Variants in CCDC85C observed in about 807,000 individuals in gnomAD.
The protein encoded by CCDC85C is coiled-coil domain-containing protein 85C.
A neutral mutation model predicts 38.3 loss-of-function variants in CCDC85C; 18 were observed. The ratio of observed to expected loss-of-function variants is 0.47; its 90% confidence interval spans 0.33 to 0.70. The LOEUF (loss-of-function observed/expected upper bound fraction) is 0.70, where lower values mean the gene tolerates loss of function less well. CCDC85C is among the 30% of genes least tolerant of loss of function. The probability of loss-of-function intolerance (pLI) is 0.03; values close to 1 mark genes in which losing one functional copy is unlikely to be tolerated. For missense variants in CCDC85C, 566 were observed against 621.2 expected, an observed-to-expected ratio of 0.91 and a Z score of 0.94; for synonymous variants, 264 against 293.8, an observed-to-expected ratio of 0.90 and a Z score of 1.04.
At chr14:99,541,588 G>A (rs529893963) in intron 1 of CCDC85C, among the ~76,000 whole-genome samples, 2 of 152,292 alleles carry the variant, frequency 1.3e-5, no homozygotes, top group South Asian at 2.1e-4. Context: ...CCACTCTGCC[G>A]GTGAGCTCTA....
rs985563149 is a variant in CCDC85C at position 99,503,176 on chromosome 14, A to T, written c.*12070T>A. The T allele has an allele frequency of 2.7e-6, 2 of 730,724 alleles. No individual in the cohort carries two copies. Among genetic ancestry groups the T allele is most frequent in the Non-Finnish European group, 4.8e-6 (2 of 412,746 alleles). The allele number at this position is 730,724 out of a possible 1,614,324, so 45.3% of individuals were successfully genotyped here. ...GCTCCAAGGACAGGCTGCCTCTGAG[A>T]ACCAGGAGGGGGCTCTCTGCCCGGC... On this transcript the variant is annotated 3_prime_UTR_variant, in exon 6 of 6. Transcript: ENST00000380243.
At chr14:99,555,694 T>C (rs775110775) in intron 1 of CCDC85C, among the ~76,000 whole-genome samples, 1 of 152,058 alleles carries the variant, frequency 6.6e-6, no homozygotes, top group Non-Finnish European at 1.5e-5. Flanking sequence ...AGTTAGAAAA[T>C]CAGCATCGTC....
chr14:99,502,433 A>C lies in CCDC85C; in HGVS notation c.*12813T>G. 1 of 1,574,398 alleles carries C rather than the reference A, an allele frequency of 6.4e-7. No individual in the cohort carries two copies. Among genetic ancestry groups the C allele is most frequent in the African/African-American group, 1.4e-5 (1 of 73,808 alleles). On this transcript the variant is annotated 3_prime_UTR_variant, in exon 6 of 6. Transcript: ENST00000380243. The stretch of plus-strand genomic sequence containing the variant: ...TGTTCCATGTTGAGATGATTCTTCC[A>C]TGTGTACCCTGAGTCCCAAGAATGG...
At chr14:99,532,929 G>A (rs1173714053) in intron 2 of CCDC85C, among the ~76,000 whole-genome samples, 4 of 151,988 alleles carry the variant, frequency 2.6e-5, no homozygotes, top group African/African-American at 9.7e-5. Flanking sequence ...TTACAGGCAC[G>A]TGCCACCCTG....
rs769026641 is a variant in CCDC85C, at chr14:99,507,195, A to C, written c.*8051T>G. 2 of 1,101,358 alleles carry C rather than the reference A, an allele frequency of 1.8e-6. No homozygotes were observed. Among genetic ancestry groups the C allele is most frequent in the African/African-American group, 1.5e-5 (1 of 65,160 alleles). The allele number at this position is 1,101,358 out of a possible 1,614,324, so 68.2% of individuals were successfully genotyped here. ...TGGCCAGCTGTGCACATCGCCTCTG[A>C]ATGTTGGACGCAGCAGGTCCTGGGA... is the stretch of plus-strand genomic sequence containing the variant. On this transcript the variant is annotated 3_prime_UTR_variant, in exon 6 of 6. Coordinates refer to ENST00000380243, the MANE Select transcript of CCDC85C (RefSeq NM_001144995.2).
intron 5 of CCDC85C, among the ~76,000 whole-genome samples, chr14:99,515,960 G>A (rs896922099): frequency 1.3e-5 from 2 of 152,118 alleles, no homozygotes; most frequent in African/African-American, 2.4e-5. Flanking sequence ...TGGGGAGGGC[G>A]GATCTGCAGA....
At chr14:99,543,968 GC>G (rs1897760165) in intron 1 of CCDC85C, among the ~76,000 whole-genome samples, 2 of 152,198 alleles carry the variant, frequency 1.3e-5, no homozygotes, top group Non-Finnish European at 2.9e-5. Flanking sequence ...GCTCAGCGAT[GC>G]CTTCCAGTGC....
chr14:99,540,690 C>G (rs1163659756), intron 1 of CCDC85C, among the ~76,000 whole-genome samples: 2 of 152,152 alleles, frequency 1.3e-5, no homozygotes, highest in Non-Finnish European at 2.9e-5. Flanking sequence ...CTGGGGGATT[C>G]CCTATCCAGC....
In CCDC85C at chr14:99,503,293, T is replaced by G. The variant is rs1340669360; in HGVS notation, c.*11953A>C. 3 of 614,424 alleles carry G rather than the reference T, an allele frequency of 4.9e-6. No individual in the cohort carries two copies. Among genetic ancestry groups the G allele is most frequent in the Non-Finnish European group, 8.8e-6 (3 of 342,416 alleles). 38.1% of individuals were successfully genotyped at this position (614,424 alleles called of 1,614,324 possible). On this transcript the variant is annotated 3_prime_UTR_variant, in exon 6 of 6. Coordinates refer to ENST00000380243, the MANE Select transcript of CCDC85C (RefSeq NM_001144995.2). ...TAGCAGTGTCGTTGTGCATGCTGCT[T>G]CTGTGCAGCTGCCTGACCCCAAACA...
chr14:99,525,723 C>G (rs577087860), intron 2 of CCDC85C, among the ~76,000 whole-genome samples: 1 of 152,344 alleles, frequency 6.6e-6, no homozygotes, highest in South Asian at 2.1e-4. Flanking sequence ...GTGTCCCCAC[C>G]TGGGCAGCCT....
chr14:99,595,266 T>C (rs896506568), intron 1 of CCDC85C, among the ~76,000 whole-genome samples: 112 of 146,896 alleles, frequency 7.6e-4, no homozygotes, highest in African/African-American at 2.7e-3. Flanking sequence ...TTTTGGTTTG[T>C]TTTGTTTTGA....
chr14:99,539,300 A>G (rs2139923014), intron 1 of CCDC85C, among the ~76,000 whole-genome samples: 1 of 151,984 alleles, frequency 6.6e-6, no homozygotes, highest in South Asian at 2.1e-4. Flanking sequence ...GTGAAACCCC[A>G]TCTCTACTAA....
rs1897223534 is a variant in CCDC85C, at chr14:99,516,270, T to A, written c.1088A>T (p.Glu363Val). 1 of 1,550,900 alleles carries A rather than the reference T, an allele frequency of 6.4e-7. No individual in the cohort carries two copies. Among genetic ancestry groups the A allele is most frequent in the Non-Finnish European group, 8.7e-7 (1 of 1,146,828 alleles). ...GTCCTGGAGCTGCCGGTCCAGATTC[T>A]CGTGTACCTCCAGGACCTGAAGGGA... is the stretch of plus-strand genomic sequence containing the variant. The part of the protein sequence containing the change: ...VHAMKVLEVH[E>V]NLDRQLQDSC... Residue 363 changes from glutamate (E) to valine (V), a missense_variant, in exon 5 of 6, where the codon GAG becomes GTG. Physicochemically the swap from Glu to Val is moderately radical, Grantham distance 121. Transcript: ENST00000380243. This position sits in a 1 kb window ranked among gnomAD's most constrained non-coding sequence, Gnocchi z 5.5.
intron 3 of CCDC85C, among the ~76,000 whole-genome samples, chr14:99,519,099 CTTTTTTTTTTTTTTT>C (rs59524541): frequency 6.7e-4 from 35 of 52,220 alleles, no homozygotes; most frequent in African/African-American, 2.1e-3. Flanking sequence ...TCATACATGC[CTTTTTTTTTTTTTTT>C]TTTTTTTTTT....
Position 99,520,985 on chromosome 14 carries a change from G to C in CCDC85C, c.975+1148C>G, listed in dbSNP as rs1897296187. Among the ~76,000 whole-genome samples, 1 of 152,238 alleles carries C rather than the reference G, an allele frequency of 6.6e-6. No individual in the cohort carries two copies. Among genetic ancestry groups the C allele is most frequent in the Admixed American group, 6.5e-5 (1 of 15,286 alleles). On this transcript the variant is annotated intron_variant, in intron 3 of 5. Coordinates refer to ENST00000380243, the MANE Select transcript of CCDC85C (RefSeq NM_001144995.2). The surrounding 1 kb of genome is among the most constrained non-coding windows in gnomAD (Gnocchi z 4.1). ...CCTGAGGTGTGCTCTCCAGAGGCCT[G>C]CAGGGAGACAGCATCTGGCGGGCCT...
chr14:99,518,263 C>G (rs1897255224), intron 3 of CCDC85C, among the ~76,000 whole-genome samples: 1 of 150,542 alleles, frequency 6.6e-6, no homozygotes, highest in South Asian at 2.1e-4. Context: ...CCCGCCCTGG[C>G]CTGGACCTGC....
At chr14:99,586,714 T>C (rs570479981) in intron 1 of CCDC85C, among the ~76,000 whole-genome samples, 1 of 152,286 alleles carries the variant, frequency 6.6e-6, no homozygotes, top group African/African-American at 2.4e-5. Context: ...CATGAGCCTC[T>C]CCCTGTCTGA....
chr14:99,544,405 T>C lies in CCDC85C; in HGVS notation c.794-8317A>G, dbSNP rs1897768174. 6.6e-6 allele frequency among the ~76,000 whole-genome samples: 1 copy of C among 151,308 alleles called. No individual in the cohort carries two copies. Among genetic ancestry groups the C allele is most frequent in the South Asian group, 2.1e-4 (1 of 4,772 alleles). The stretch of plus-strand genomic sequence containing the variant: ...AGGAGGCACAGCAACTTTCACCTAC[T>C]CCCCCAACAAAGAGACCGAGGTTCC... On this transcript the variant is annotated intron_variant, in intron 1 of 5. Coordinates refer to ENST00000380243, the MANE Select transcript of CCDC85C (RefSeq NM_001144995.2). This position sits in a 1 kb window ranked among gnomAD's most constrained non-coding sequence, Gnocchi z 5.3.
intron 1 of CCDC85C, among the ~76,000 whole-genome samples, chr14:99,591,601 T>C (rs2055087618): frequency 6.6e-6 from 1 of 152,120 alleles, no homozygotes. Flanking sequence ...CAATGTGCCT[T>C]CTGCACAGCA....
Sources: allele counts gnomAD v4.1 joint callset (sites outside exome capture counted in the v4.1 genomes callset), GRCh38; gene constraint gnomAD v4.1.1; non-coding constraint Gnocchi (gnomAD v3.1); transcripts MANE v1.5; gene names NCBI Gene and HGNC (gene_info 2026-07-23, HGNC 2026-07-21).